STIM1: variants seen among roughly 807,000 people sequenced by gnomAD.
STIM1 encodes stromal interaction molecule 1.
In STIM1, 25 loss-of-function variants were observed where a neutral mutation model predicts 74.7. The ratio of observed to expected loss-of-function variants is 0.33; its 90% confidence interval spans 0.24 to 0.47. STIM1 has a LOEUF of 0.47. STIM1 is among the 20% of genes least tolerant of loss of function. The probability of loss-of-function intolerance (pLI) is 1.00; values close to 1 mark genes in which losing one functional copy is unlikely to be tolerated. For synonymous variants in STIM1, 328 were observed against 348.8 expected (o/e 0.94, Z 0.66); for missense variants, 728 against 920.8 (o/e 0.79, Z 2.71).
intron 2 of STIM1, chr11:3,973,828 C>T: frequency 2.6e-6 from 1 of 379,838 alleles, no homozygotes; most frequent in Non-Finnish European, 4.9e-6. Context: ...ATCTTCCTGT[C>T]TCAGCCTCTT....
At chr11:3,998,889 T>G (rs896657496) in intron 2 of STIM1, among the ~76,000 whole-genome samples, 1 of 152,214 alleles carries the variant, frequency 6.6e-6, no homozygotes, top group African/African-American at 2.4e-5. Flanking sequence ...GCTTGATGTG[T>G]CTAGAGCAGG....
At position 3,937,985 on chromosome 11, in the gene STIM1, A is replaced by G. The variant is rs376212021; in HGVS notation, c.140-29567A>G. Reference sequence around the variant, plus strand: ...GTCTTGCTTTGTTGCCCAGGCTGCAATGTAGTGGGGCGATCTTGGCTCACT... The same window carrying G: ...GTCTTGCTTTGTTGCCCAGGCTGCAGTGTAGTGGGGCGATCTTGGCTCACT... On this transcript the variant is annotated intron_variant, in intron 1 of 12. Transcript: ENST00000526596. Among the ~76,000 whole-genome samples the G allele has an allele frequency of 1.7e-4, 25 of 150,982 alleles. No individual in the cohort carries two copies. The South Asian group carries it at 3.3e-3, about 20-fold the overall frequency.
At chr11:4,005,672 A>G (rs1212904980) in intron 2 of STIM1, among the ~76,000 whole-genome samples, 1 of 152,162 alleles carries the variant, frequency 6.6e-6, no homozygotes, top group Non-Finnish European at 1.5e-5. Flanking sequence ...TGGCACATGT[A>G]TACATATATA....
intron 1 of STIM1, among the ~76,000 whole-genome samples, chr11:3,923,099 C>CAA (rs142720800): frequency 1.7e-5 from 2 of 119,122 alleles, no homozygotes; most frequent in Non-Finnish European, 1.8e-5. Context: ...GACTCCGTCT[C>CAA]AAAAAAAAAA....
At chr11:3,875,616 A>G (rs561676450) in intron 1 of STIM1, among the ~76,000 whole-genome samples, 1 of 151,762 alleles carries the variant, frequency 6.6e-6, no homozygotes, top group South Asian at 2.1e-4. Flanking sequence ...AATCCCAGCT[A>G]CTTGGGGGTA....
intron 2 of STIM1, among the ~76,000 whole-genome samples, chr11:3,986,485 C>T (rs928256335): frequency 1.3e-5 from 2 of 151,992 alleles, no homozygotes; most frequent in Non-Finnish European, 2.9e-5. Context: ...GATTTGTGTG[C>T]CATACTGAGG....
At chr11:4,042,330 C>G (rs2094154521) in intron 3 of STIM1, among the ~76,000 whole-genome samples, 1 of 152,188 alleles carries the variant, frequency 6.6e-6, no homozygotes, top group Non-Finnish European at 1.5e-5. Flanking sequence ...CTAATCTGAC[C>G]TAATACAATA....
intron 1 of STIM1, chr11:3,921,861 T>G (rs2092721662): frequency 6.6e-6 from 1 of 152,170 alleles, no homozygotes; most frequent in Non-Finnish European, 1.5e-5. Context: ...GAAAAGGCCA[T>G]GTGGAGAACT....
At chr11:4,034,478 T>A (rs1395477833) in intron 3 of STIM1, among the ~76,000 whole-genome samples, 1 of 152,128 alleles carries the variant, frequency 6.6e-6, no homozygotes, top group Non-Finnish European at 1.5e-5. Context: ...TTGGGATAAA[T>A]CCCCTTGGTC....
chr11:3,878,881 G>A (rs758750312), intron 1 of STIM1, among the ~76,000 whole-genome samples: 5 of 152,102 alleles, frequency 3.3e-5, no homozygotes, highest in South Asian at 2.1e-4. Context: ...TGGCCTTATC[G>A]TGCCTACCCA....
intron 1 of STIM1, among the ~76,000 whole-genome samples, chr11:3,919,511 T>G (rs1327887644): frequency 6.6e-6 from 1 of 152,096 alleles, no homozygotes; most frequent in East Asian, 1.9e-4. Flanking sequence ...AGCCTGAAAC[T>G]GAGTTTTTTT....
chr11:3,863,980 A>G (rs2090745718), intron 1 of STIM1, among the ~76,000 whole-genome samples: 1 of 151,582 alleles, frequency 6.6e-6, no homozygotes, highest in Non-Finnish European at 1.5e-5. Context: ...ATCCGCTGGG[A>G]GTCTTAGCAT....
At chr11:4,009,154 G>A (rs1033036701) in intron 2 of STIM1, among the ~76,000 whole-genome samples, 4 of 151,924 alleles carry the variant, frequency 2.6e-5, no homozygotes, top group Non-Finnish European at 5.9e-5. Context: ...AATTAGCCGG[G>A]TGTGGTGGCA....
chr11:3,911,912 T>C (rs2092568077), intron 1 of STIM1, among the ~76,000 whole-genome samples: 2 of 152,200 alleles, frequency 1.3e-5, no homozygotes, highest in South Asian at 2.1e-4. Context: ...TTTGCTGTTG[T>C]TGTTGTTGTT....
chr11:3,943,848 A>G (rs2093039979), intron 1 of STIM1, among the ~76,000 whole-genome samples: 1 of 152,278 alleles, frequency 6.6e-6, no homozygotes, highest in Non-Finnish European at 1.5e-5. Context: ...TTACACAGTC[A>G]TATCACTATG....
At chr11:3,958,464 T>C (rs982682436) in intron 1 of STIM1, among the ~76,000 whole-genome samples, 5 of 152,210 alleles carry the variant, frequency 3.3e-5, no homozygotes, top group African/African-American at 1.2e-4. Context: ...TGCCCCCTGC[T>C]GAGAAGAGCT....
intron 12 of STIM1, chr11:4,088,855 C>T: frequency 9.8e-7 from 1 of 1,018,876 alleles, no homozygotes; most frequent in Non-Finnish European, 1.5e-6. Flanking sequence ...GGCCTTTTCC[C>T]TCCTATATCT....
chr11:4,015,019 T>C (rs2093881907), intron 2 of STIM1, among the ~76,000 whole-genome samples: 1 of 152,246 alleles, frequency 6.6e-6, no homozygotes, highest in South Asian at 2.1e-4. Context: ...CCACTCTGTG[T>C]CTTTTAATTG....
chr11:3,863,201 T>C (rs1265776817), intron 1 of STIM1, among the ~76,000 whole-genome samples: 4 of 147,404 alleles, frequency 2.7e-5, no homozygotes, highest in African/African-American at 1.0e-4. Context: ...GCCACACACG[T>C]ATATATTTGA....
Sources: gnomAD v4.1 joint callset for allele counts (sites outside exome capture counted in the v4.1 genomes callset) on GRCh38, gnomAD v4.1.1 for gene constraint, MANE v1.5 for transcripts, NCBI Gene and HGNC (gene_info 2026-07-23, HGNC 2026-07-21) for gene names.